The following DYNC1I1 variants were observed in gnomAD, a reference collection of about 807,000 sequenced individuals.
DYNC1I1 encodes the protein cytoplasmic dynein 1 intermediate chain 1.
Under a neutral mutation model 86.6 loss-of-function variants are expected in DYNC1I1, and 43 were observed. That is an observed-to-expected ratio of 0.50 (90% CI 0.39 to 0.64). The LOEUF (loss-of-function observed/expected upper bound fraction) is 0.64, where lower values mean the gene tolerates loss of function less well. Ranked by LOEUF, DYNC1I1 falls within the 30% of genes least tolerant of loss-of-function variation. DYNC1I1 has a pLI of 0.00. For synonymous variants in DYNC1I1, 262 were observed against 283.7 expected (o/e 0.92, Z 0.77); for missense variants, 604 against 788.8 (o/e 0.77, Z 2.81).
At chr7:96,090,833 T>C (rs1424503850) in intron 16 of DYNC1I1, among the ~76,000 whole-genome samples, 1 of 152,216 alleles carries the variant, frequency 6.6e-6, no homozygotes, top group East Asian at 1.9e-4. Context: ...CATATATCTT[T>C]TTGTGGTAGA....
chr7:96,043,513 C>A (rs1281126477), intron 14 of DYNC1I1, among the ~76,000 whole-genome samples: 2 of 146,498 alleles, frequency 1.4e-5, no homozygotes, highest in Non-Finnish European at 3.0e-5. Context: ...TCCTCAAGGG[C>A]AAATTGGAAG....
chr7:95,975,254 A>G (rs1171116900), intron 6 of DYNC1I1, among the ~76,000 whole-genome samples: 1 of 152,196 alleles, frequency 6.6e-6, no homozygotes, highest in Non-Finnish European at 1.5e-5. Flanking sequence ...AAGTTTTGCT[A>G]TAACAAAATA....
intron 5 of DYNC1I1, among the ~76,000 whole-genome samples, chr7:95,842,568 T>C (rs1789316220): frequency 6.6e-6 from 1 of 152,100 alleles, no homozygotes; most frequent in Non-Finnish European, 1.5e-5. Flanking sequence ...GTTAAGTCCT[T>C]GAGGAAGGGG....
chr7:95,882,170 T>C (rs1790470602), intron 6 of DYNC1I1, among the ~76,000 whole-genome samples: 1 of 152,188 alleles, frequency 6.6e-6, no homozygotes. Flanking sequence ...GTCAATCTTT[T>C]TGTCAAGAGG....
rs752057650 is a variant in DYNC1I1 at position 95,985,044 on chromosome 7, T to A, written c.743+67T>A. ...ATCTGTTAATTCTAATTTATTTATGTTCTGACTAGGAAAATTCCAAATTAA... is the reference window on the plus strand; with the variant it reads ...ATCTGTTAATTCTAATTTATTTATGATCTGACTAGGAAAATTCCAAATTAA... On this transcript the variant is annotated intron_variant, in intron 8 of 16. Transcript: ENST00000447467. The A allele has an allele frequency of 4.2e-5, 66 of 1,570,878 alleles. 1 individual carries two copies. Among genetic ancestry groups the A allele is most frequent in the Non-Finnish European group, 5.7e-5 (66 of 1,165,108 alleles).
chr7:95,889,912 C>T (rs887022567), intron 6 of DYNC1I1, among the ~76,000 whole-genome samples: 2 of 152,118 alleles, frequency 1.3e-5, no homozygotes, highest in Admixed American at 6.5e-5. Flanking sequence ...TCACACCAAT[C>T]AGAATGTCTA....
At chr7:95,975,987 G>A (rs1793293804) in intron 6 of DYNC1I1, among the ~76,000 whole-genome samples, 1 of 152,154 alleles carries the variant, frequency 6.6e-6, no homozygotes, top group African/African-American at 2.4e-5. Flanking sequence ...TGAAGAGATA[G>A]CATTAATATG....
At chr7:95,856,320 T>A (rs866984460) in intron 5 of DYNC1I1, among the ~76,000 whole-genome samples, 4 of 152,210 alleles carry the variant, frequency 2.6e-5, no homozygotes, top group African/African-American at 9.6e-5. Flanking sequence ...TAATATTCTA[T>A]GATAATAATG....
In DYNC1I1 at chr7:96,047,488, A is replaced by G. The variant is rs112418926; in HGVS notation, c.1509+8067A>G. 2.9e-3 allele frequency among the ~76,000 whole-genome samples: 439 copies of G among 152,350 alleles called. 3 individuals carry two copies. Among genetic ancestry groups the G allele is most frequent in the African/African-American group, 9.9e-3 (412 of 41,576 alleles). ...ATGCTCAATAAAGAATGTGATAAAG[A>G]CTGTTAAACACCAGAGATATCAAGA... On this transcript the variant is annotated intron_variant, in intron 14 of 16. Transcript: ENST00000447467.
At chr7:95,957,397 A>G (rs1283571917) in intron 6 of DYNC1I1, among the ~76,000 whole-genome samples, 2 of 152,138 alleles carry the variant, frequency 1.3e-5, no homozygotes, top group Admixed American at 6.5e-5. Context: ...CCTAAAGTCA[A>G]TATCCCCCTC....
chr7:95,982,452 G>A (rs1306639910), intron 7 of DYNC1I1, among the ~76,000 whole-genome samples: 2 of 152,122 alleles, frequency 1.3e-5, no homozygotes, highest in Admixed American at 1.3e-4. Context: ...AGAAGAAGTT[G>A]TGTGTCTTGA....
intron 5 of DYNC1I1, among the ~76,000 whole-genome samples, chr7:95,845,802 G>C (rs1353772060): frequency 1.3e-5 from 2 of 152,116 alleles, no homozygotes; most frequent in East Asian, 3.9e-4. Flanking sequence ...TCACAAGAGA[G>C]GAAGGAAGCA....
intron 10 of DYNC1I1, among the ~76,000 whole-genome samples, chr7:96,024,117 C>A (rs772690727): frequency 5.9e-5 from 9 of 152,110 alleles, no homozygotes; most frequent in Non-Finnish European, 4.4e-5. Flanking sequence ...AACAATGTGG[C>A]CACATCAATG....
intron 2 of DYNC1I1, among the ~76,000 whole-genome samples, chr7:95,805,586 A>G (rs541217148): frequency 1.1e-3 from 168 of 152,320 alleles, no homozygotes; most frequent in African/African-American, 3.9e-3. Context: ...CTTGGATTCT[A>G]TAAGCCCAAT....
At chr7:96,077,792 G>A (rs796353610) in intron 15 of DYNC1I1, among the ~76,000 whole-genome samples, 44 of 152,186 alleles carry the variant, frequency 2.9e-4, no homozygotes, top group African/African-American at 1.0e-3. Flanking sequence ...CTATGTAACT[G>A]TTTTTCTTTT....
chr7:96,056,425 T>G (rs1789579071), intron 14 of DYNC1I1, among the ~76,000 whole-genome samples: 1 of 152,222 alleles, frequency 6.6e-6, no homozygotes, highest in African/African-American at 2.4e-5. Flanking sequence ...CAAGAAAGTC[T>G]ATTTATTGGG....
chr7:95,826,187 T>C (rs1306312132), intron 4 of DYNC1I1, among the ~76,000 whole-genome samples: 1 of 152,228 alleles, frequency 6.6e-6, no homozygotes, highest in Non-Finnish European at 1.5e-5. Context: ...TGAGAAGCAC[T>C]GGTCTAAGAA....
chr7:96,042,597 A>AGGG (rs1789082111), intron 14 of DYNC1I1, among the ~76,000 whole-genome samples: 2 of 152,220 alleles, frequency 1.3e-5, no homozygotes, highest in Non-Finnish European at 2.9e-5. Context: ...AGGACTTGGA[A>AGGG]ACCAAGTTGA....
intron 6 of DYNC1I1, among the ~76,000 whole-genome samples, chr7:95,877,751 A>C (rs1584118679): frequency 6.6e-6 from 1 of 152,340 alleles, no homozygotes; most frequent in Non-Finnish European, 1.5e-5. Context: ...CACATCTCAA[A>C]AACTGGTCTC....
Sources: gnomAD v4.1 joint callset for allele counts (sites outside exome capture counted in the v4.1 genomes callset) on GRCh38, gnomAD v4.1.1 for gene constraint, MANE v1.5 for transcripts, NCBI Gene and HGNC (gene_info 2026-07-23, HGNC 2026-07-21) for gene names.